Variants in CELF4 observed in about 807,000 individuals in gnomAD.
The protein encoded by CELF4 is CUG-BP- and ETR-3-like factor 4.
CELF4 carries 18 observed loss-of-function variants against 59.9 expected under a neutral mutation model. The observed-to-expected ratio is 0.30, with a 90% confidence interval of 0.21 to 0.45. The LOEUF is 0.45. Ranked by LOEUF, CELF4 falls within the 20% of genes least tolerant of loss-of-function variation. The pLI, the probability that CELF4 is intolerant of heterozygous loss-of-function variation, is 1.00. For synonymous variants in CELF4, 261 were observed against 267.1 expected (o/e 0.98, Z 0.22); for missense variants, 456 against 689.0 (o/e 0.66, Z 3.79).
At chr18:37,383,430 G>T (rs1430565303) in intron 2 of CELF4, among the ~76,000 whole-genome samples, 1 of 152,148 alleles carries the variant, frequency 6.6e-6, no homozygotes, top group Non-Finnish European at 1.5e-5. Flanking sequence ...CGAGAGCTTG[G>T]GGTGCATTTT....
intron 3 of CELF4, among the ~76,000 whole-genome samples, chr18:37,303,713 C>T (rs1302666724): frequency 6.6e-6 from 1 of 152,216 alleles, no homozygotes; most frequent in African/African-American, 2.4e-5. Flanking sequence ...GGCATGGAAG[C>T]GTCCTCCAAA....
chr18:37,488,168 ACCT>A (rs1178034571), intron 1 of CELF4, among the ~76,000 whole-genome samples: 3 of 151,604 alleles, frequency 2.0e-5, no homozygotes. Context: ...CTCAAATGAG[ACCT>A]CCTCAGAGAC....
intron 1 of CELF4, among the ~76,000 whole-genome samples, chr18:37,558,200 A>C (rs574133592): frequency 2.0e-3 from 296 of 151,752 alleles, no homozygotes; most frequent in African/African-American, 6.5e-3. Flanking sequence ...CTCAAAAATC[A>C]AGGCAATCAC....
At chr18:37,323,907 A>G (rs2154524329) in intron 2 of CELF4, among the ~76,000 whole-genome samples, 1 of 152,246 alleles carries the variant, frequency 6.6e-6, no homozygotes, top group South Asian at 2.1e-4. Context: ...GCTTTGTCAT[A>G]TTTTATCTCA....
chr18:37,309,935 G>A (rs1056011626), intron 3 of CELF4, among the ~76,000 whole-genome samples: 3 of 150,996 alleles, frequency 2.0e-5, no homozygotes, highest in Non-Finnish European at 4.4e-5. Context: ...CCCCCAGGAA[G>A]CCTTCCTTAT....
intron 1 of CELF4, among the ~76,000 whole-genome samples, chr18:37,539,589 G>A (rs2099976287): frequency 6.6e-6 from 1 of 152,126 alleles, no homozygotes; most frequent in South Asian, 2.1e-4. Context: ...AGTCACACAT[G>A]CCCATGTGTG....
In CELF4 at chr18:37,565,524, G is replaced by T. The variant is rs765607261; in HGVS notation, c.118C>A (p.Pro40Thr). Residue 40 changes from proline (P) to threonine (T), a missense_variant, in exon 1 of 13, where the codon CCG (proline) becomes ACG (threonine). Physicochemically the swap from Pro to Thr is conservative, Grantham distance 38. This residue lies in a region of CELF4 where 70 missense variants were observed against 69.5 expected (regional missense o/e 1.01). Transcript: ENST00000420428. ...AGHMNGLSHS[P>T]GNPSTIPMKD... The stretch of plus-strand genomic sequence containing the variant: ...ATGGGAATGGTCGACGGGTTCCCCG[G>T]GCTGTGGCTTAATCCGTTCATGTGC... 1.2e-5 allele frequency: 19 copies of T among 1,614,080 alleles called. No homozygotes were observed. Among genetic ancestry groups the T allele is most frequent in the Non-Finnish European group, 1.5e-5 (18 of 1,180,038 alleles).
chr18:37,444,818 C>T (rs1263492469), intron 2 of CELF4, among the ~76,000 whole-genome samples: 1 of 152,144 alleles, frequency 6.6e-6, no homozygotes, highest in Non-Finnish European at 1.5e-5. Flanking sequence ...CCGTACCTCC[C>T]TCCCGGAGTA....
chr18:37,375,306 G>T (rs1001866386), intron 2 of CELF4, among the ~76,000 whole-genome samples: 1 of 152,200 alleles, frequency 6.6e-6, no homozygotes, highest in African/African-American at 2.4e-5. Context: ...TCAGTGATGG[G>T]GTTGAAGAAC....
chr18:37,534,912 C>T (rs1191728633), intron 1 of CELF4, among the ~76,000 whole-genome samples: 1 of 152,190 alleles, frequency 6.6e-6, no homozygotes. Context: ...TGGGGCTGCA[C>T]AGCACTGTTC....
chr18:37,494,536 T>C (rs1196224749), intron 1 of CELF4, among the ~76,000 whole-genome samples: 3 of 152,202 alleles, frequency 2.0e-5, no homozygotes, highest in Non-Finnish European at 4.4e-5. Flanking sequence ...TGCTCCCTTA[T>C]GTGTGTTTTT....
chr18:37,364,986 G>T (rs2098757321), intron 2 of CELF4, among the ~76,000 whole-genome samples: 1 of 152,146 alleles, frequency 6.6e-6, no homozygotes, highest in Admixed American at 6.5e-5. Flanking sequence ...TCCTGGGGTG[G>T]TGAGAATCTG....
intron 1 of CELF4, among the ~76,000 whole-genome samples, chr18:37,494,915 C>T (rs371995789): frequency 1.3e-5 from 2 of 152,108 alleles, no homozygotes; most frequent in East Asian, 3.9e-4. Flanking sequence ...ATCTTCTTCC[C>T]GCAGACACCC....
intron 2 of CELF4, among the ~76,000 whole-genome samples, chr18:37,362,547 C>T (rs2098721159): frequency 6.6e-6 from 1 of 152,062 alleles, no homozygotes; most frequent in African/African-American, 2.4e-5. Flanking sequence ...CAGACTCTGC[C>T]GGGCTGGGCA....
intron 2 of CELF4, among the ~76,000 whole-genome samples, chr18:37,328,252 C>T (rs879800980): frequency 3.3e-5 from 5 of 152,252 alleles, no homozygotes; most frequent in East Asian, 3.9e-4. Context: ...TCGCATTGAA[C>T]GAGATCATGA....
chr18:37,557,331 G>A (rs1358214011), intron 1 of CELF4, among the ~76,000 whole-genome samples: 1 of 152,236 alleles, frequency 6.6e-6, no homozygotes, highest in African/African-American at 2.4e-5. Flanking sequence ...ACCAAGTTGT[G>A]TAATTTTAGG....
intron 3 of CELF4, among the ~76,000 whole-genome samples, chr18:37,303,272 G>GC (rs2096190535): frequency 6.6e-6 from 1 of 152,078 alleles, no homozygotes; most frequent in South Asian, 2.1e-4. Flanking sequence ...ACCTACCCAG[G>GC]CCCCCTGCAA....
chr18:37,459,173 T>G (rs1053028040), intron 2 of CELF4, among the ~76,000 whole-genome samples: 5 of 152,222 alleles, frequency 3.3e-5, no homozygotes, highest in African/African-American at 1.2e-4. Context: ...TGTGGGGCCA[T>G]ACCACAGGGT....
chr18:37,541,995 T>G (rs1413611848), intron 1 of CELF4, among the ~76,000 whole-genome samples: 1 of 152,168 alleles, frequency 6.6e-6, no homozygotes, highest in Non-Finnish European at 1.5e-5. Context: ...TCCAGAGGTT[T>G]CTGTGCCATG....
Sources: gnomAD v4.1 joint callset for allele counts (sites outside exome capture counted in the v4.1 genomes callset) on GRCh38, gnomAD v4.1.1 for gene constraint, gnomAD v4.1.1 regional missense constraint, MANE v1.5 for transcripts, NCBI Gene and HGNC (gene_info 2026-07-23, HGNC 2026-07-21) for gene names.